CTIF: variants seen among roughly 807,000 people sequenced by gnomAD.
The protein encoded by CTIF is cap binding complex dependent translation initiation factor.
In CTIF, 21 loss-of-function variants were observed where a neutral mutation model predicts 66.0. That is an observed-to-expected ratio of 0.32 (90% CI 0.23 to 0.46). The LOEUF is 0.46. Among genes scored for constraint, CTIF ranks in the 20% least tolerant of loss-of-function variants. The pLI is 1.00. For synonymous variants in CTIF, 345 were observed against 326.4 expected, an observed-to-expected ratio of 1.06 and a Z score of -0.62; for missense variants, 739 against 812.7, an observed-to-expected ratio of 0.91 and a Z score of 1.10.
At chr18:48,849,008 G>A (rs778526710) in intron 10 of CTIF, among the ~76,000 whole-genome samples, 29 of 152,096 alleles carry the variant, frequency 1.9e-4, no homozygotes, top group Non-Finnish European at 3.7e-4. Flanking sequence ...GCCCCAGCCC[G>A]CCCACATCCC....
At chr18:48,673,230 G>C (rs899098381) in intron 6 of CTIF, among the ~76,000 whole-genome samples, 22 of 152,186 alleles carry the variant, frequency 1.4e-4, no homozygotes, top group African/African-American at 5.3e-4. Context: ...CCAGCACCAG[G>C]TGCTCTAGAG....
intron 5 of CTIF, among the ~76,000 whole-genome samples, chr18:48,666,537 T>TG (rs763529008): frequency 6.6e-6 from 1 of 152,236 alleles, no homozygotes; most frequent in Non-Finnish European, 1.5e-5. Flanking sequence ...TTTGTATGTG[T>TG]GCATGCACAC....
At chr18:48,675,706 C>G (rs916175655) in intron 6 of CTIF, among the ~76,000 whole-genome samples, 8 of 152,128 alleles carry the variant, frequency 5.3e-5, no homozygotes, top group South Asian at 2.1e-4. Context: ...TCCAGAGGGC[C>G]CGCCCCTCCC....
intron 9 of CTIF, among the ~76,000 whole-genome samples, chr18:48,776,553 A>C (rs527490792): frequency 6.6e-6 from 1 of 152,208 alleles, no homozygotes; most frequent in Non-Finnish European, 1.5e-5. Flanking sequence ...CCCTCAACTA[A>C]TGTCACCGTC....
intron 7 of CTIF, among the ~76,000 whole-genome samples, chr18:48,745,443 G>A (rs756097166): frequency 7.2e-5 from 11 of 152,316 alleles, no homozygotes; most frequent in South Asian, 2.1e-4. Flanking sequence ...TAGAGGCTAC[G>A]CCAATGTTCT....
chr18:48,827,998 A>T (rs1402834150), intron 10 of CTIF, among the ~76,000 whole-genome samples: 1 of 88,826 alleles, frequency 1.1e-5, no homozygotes, highest in South Asian at 3.4e-4. Flanking sequence ...TCTCCCACCC[A>T]CCCCACCTCC....
At chr18:48,654,675 G>A (rs1242878093) in intron 3 of CTIF, among the ~76,000 whole-genome samples, 19 of 152,148 alleles carry the variant, frequency 1.2e-4, no homozygotes, top group African/African-American at 2.4e-4. Context: ...ACATGCACAC[G>A]TATGTTTGTT....
intron 1 of CTIF, among the ~76,000 whole-genome samples, chr18:48,580,068 G>A (rs1213277156): frequency 6.6e-6 from 1 of 152,232 alleles, no homozygotes; most frequent in Non-Finnish European, 1.5e-5. Context: ...TTCATCTACT[G>A]AGAAATAAAA....
intron 10 of CTIF, among the ~76,000 whole-genome samples, chr18:48,831,991 G>A (rs181015631): frequency 6.6e-6 from 1 of 152,122 alleles, no homozygotes; most frequent in African/African-American, 2.4e-5. Context: ...GGCTTTTGGA[G>A]CAGTTCTGGA....
At chr18:48,670,013 C>G (rs942840554) in intron 5 of CTIF, among the ~76,000 whole-genome samples, 2 of 151,274 alleles carry the variant, frequency 1.3e-5, no homozygotes, top group Non-Finnish European at 3.0e-5. Flanking sequence ...GAAATGAGTA[C>G]AGAGAGGTTA....
intron 3 of CTIF, among the ~76,000 whole-genome samples, chr18:48,661,366 G>A (rs1380202708): frequency 6.6e-6 from 1 of 151,216 alleles, no homozygotes; most frequent in East Asian, 2.0e-4. Flanking sequence ...TAGATGCTTT[G>A]GAAGCAAGAG....
At chr18:48,839,046 C>A (rs1308393401) in intron 10 of CTIF, among the ~76,000 whole-genome samples, 2 of 152,346 alleles carry the variant, frequency 1.3e-5, no homozygotes, top group East Asian at 3.9e-4. Flanking sequence ...CACCACCAAC[C>A]GCCACCCTGC....
intron 9 of CTIF, among the ~76,000 whole-genome samples, chr18:48,762,085 A>G (rs1909067340): frequency 6.6e-6 from 1 of 152,190 alleles, no homozygotes; most frequent in African/African-American, 2.4e-5. Context: ...CTAGGTCCTT[A>G]GACCTTTGCA....
intron 1 of CTIF, among the ~76,000 whole-genome samples, chr18:48,614,954 G>A (rs1243092304): frequency 1.3e-5 from 2 of 152,176 alleles, no homozygotes; most frequent in East Asian, 3.8e-4. Flanking sequence ...AGACTGGAGT[G>A]CAGCAACACG....
At chr18:48,553,058 C>T (rs577786183) in intron 1 of CTIF, among the ~76,000 whole-genome samples, 12 of 152,288 alleles carry the variant, frequency 7.9e-5, no homozygotes, top group Middle Eastern at 3.4e-3. Context: ...TTTGCCTACA[C>T]CTGAGGGAAC....
At chr18:48,831,354 A>G (rs1039639106) in intron 10 of CTIF, among the ~76,000 whole-genome samples, 5 of 152,242 alleles carry the variant, frequency 3.3e-5, no homozygotes, top group Non-Finnish European at 5.9e-5. Context: ...GAATCCCACA[A>G]ACCACAATCT....
chr18:48,615,087 G>C (rs1337024053), intron 1 of CTIF, among the ~76,000 whole-genome samples: 1 of 152,132 alleles, frequency 6.6e-6, no homozygotes, highest in African/African-American at 2.4e-5. Context: ...GGAAAGACGA[G>C]GTCTTGCTAT....
rs568699326 is a variant in CTIF, at chr18:48,662,834, CTTTG to C, written c.253-912_253-909del. On this transcript the variant is annotated intron_variant, in intron 3 of 11. Transcript: ENST00000256413. ...ATTCATATTGCTGCATGTTATTTTA[CTTTG>C]TTTGTGCTCACTGCGGTGTGATACT... Among the ~76,000 whole-genome samples the C allele has an allele frequency of 1.7e-3, 254 of 152,134 alleles. 1 individual carries two copies. Among genetic ancestry groups the C allele is most frequent in the Admixed American group, 4.3e-3 (66 of 15,280 alleles).
intron 2 of CTIF, among the ~76,000 whole-genome samples, chr18:48,629,628 G>T (rs1480342231): frequency 1.5e-5 from 2 of 135,044 alleles, no homozygotes; most frequent in Non-Finnish European, 1.6e-5. Context: ...CAGTAATATT[G>T]TTTAGAGCAA....
Sources: gnomAD v4.1 joint callset for allele counts (sites outside exome capture counted in the v4.1 genomes callset) on GRCh38, gnomAD v4.1.1 for gene constraint, MANE v1.5 for transcripts, NCBI Gene and HGNC (gene_info 2026-07-23, HGNC 2026-07-21) for gene names.